MBD5: variants seen among roughly 807,000 people sequenced by gnomAD.
MBD5 encodes methyl-CpG binding domain protein 5.
A neutral mutation model predicts 117.3 loss-of-function variants in MBD5; 13 were observed. The ratio of observed to expected loss-of-function variants is 0.11; its 90% confidence interval spans 0.07 to 0.18. The LOEUF (loss-of-function observed/expected upper bound fraction) is 0.18. Among genes scored for constraint, MBD5 ranks in the 10% least tolerant of loss-of-function variants. The pLI is 1.00. For missense variants in MBD5, 1,879 were observed against 2,093.8 expected (o/e 0.90, Z 2.00); for synonymous variants, 727 against 766.4 (o/e 0.95, Z 0.85).
intron 4 of MBD5, among the ~76,000 whole-genome samples, chr2:148,379,267 G>T (rs1366586169): frequency 6.6e-6 from 1 of 151,900 alleles, no homozygotes; most frequent in Non-Finnish European, 1.5e-5. Context: ...GCTTAAGGGG[G>T]AAAAAACACA....
At chr2:148,362,260 G>A (rs1703562217) in intron 4 of MBD5, among the ~76,000 whole-genome samples, 1 of 152,196 alleles carries the variant, frequency 6.6e-6, no homozygotes, top group Non-Finnish European at 1.5e-5. Flanking sequence ...GGTCAGCACA[G>A]CAGCCTGAAG....
At chr2:148,331,653 A>G (rs1204912150) in intron 3 of MBD5, among the ~76,000 whole-genome samples, 4 of 152,224 alleles carry the variant, frequency 2.6e-5, no homozygotes, top group African/African-American at 9.6e-5. Context: ...TTTTTCTTAA[A>G]TATGCTAAAA....
chr2:148,049,735 A>T (rs1031191684), intron 1 of MBD5, among the ~76,000 whole-genome samples: 2 of 152,090 alleles, frequency 1.3e-5, no homozygotes, highest in Non-Finnish European at 2.9e-5. Flanking sequence ...TCCTTCCCAT[A>T]TCGTCTGGCA....
chr2:148,260,654 G>T (rs1015219815), intron 3 of MBD5: 6 of 213,542 alleles, frequency 2.8e-5, no homozygotes, highest in Admixed American at 2.5e-4. Context: ...TGTATCTCTG[G>T]CTGATATGAG....
intron 4 of MBD5, among the ~76,000 whole-genome samples, chr2:148,423,078 G>A (rs1351230623): frequency 6.6e-6 from 1 of 152,058 alleles, no homozygotes; most frequent in Non-Finnish European, 1.5e-5. Flanking sequence ...GAAATACAGA[G>A]AACACCACAA....
At chr2:148,234,581 A>G (rs1700053033) in intron 3 of MBD5, among the ~76,000 whole-genome samples, 1 of 152,204 alleles carries the variant, frequency 6.6e-6, no homozygotes, top group African/African-American at 2.4e-5. Context: ...TAGTATTATT[A>G]TGCAGTCAAC....
intron 3 of MBD5, chr2:148,264,298 C>CGAAGAA (rs57683670): frequency 0.22 from 32,957 of 147,590 alleles, 4,159 homozygotes; most frequent in East Asian, 0.55. Flanking sequence ...GAGACCTCGT[C>CGAAGAA]GAAGAAGAAG....
At chr2:148,424,491 C>A (rs1231061686) in intron 4 of MBD5, among the ~76,000 whole-genome samples, 1 of 151,942 alleles carries the variant, frequency 6.6e-6, no homozygotes. Flanking sequence ...AGAAAATTAA[C>A]AAGGATATTC....
intron 1 of MBD5, among the ~76,000 whole-genome samples, chr2:148,086,660 C>G (rs1695800460): frequency 6.6e-6 from 1 of 152,116 alleles, no homozygotes; most frequent in Non-Finnish European, 1.5e-5. Flanking sequence ...CAGACTACTG[C>G]TAGAGTTACA....
intron 4 of MBD5, among the ~76,000 whole-genome samples, chr2:148,394,107 T>A (rs1432507589): frequency 6.6e-6 from 1 of 152,176 alleles, no homozygotes; most frequent in Non-Finnish European, 1.5e-5. Context: ...GTATGTGGGG[T>A]CCTGTTGTTT....
intron 4 of MBD5, among the ~76,000 whole-genome samples, chr2:148,349,193 G>A (rs1703192235): frequency 6.6e-6 from 1 of 151,832 alleles, no homozygotes; most frequent in Non-Finnish European, 1.5e-5. Flanking sequence ...TGTAAGTGGG[G>A]TACATTTTAG....
At chr2:148,239,248 G>A (rs1700158435) in intron 3 of MBD5, among the ~76,000 whole-genome samples, 1 of 151,988 alleles carries the variant, frequency 6.6e-6, no homozygotes, top group Admixed American at 6.6e-5. Flanking sequence ...ACCATTTCTT[G>A]GACATCGACA....
intron 2 of MBD5, among the ~76,000 whole-genome samples, chr2:148,180,244 A>G (rs1408928082): frequency 6.7e-6 from 1 of 150,250 alleles, no homozygotes; most frequent in Non-Finnish European, 1.5e-5. Flanking sequence ...TGGAAGAGCT[A>G]TTCAATTGTT....
At chr2:148,265,105 C>T (rs991554) in intron 3 of MBD5, 69,966 of 151,704 alleles carry the variant, frequency 0.46, 16,489 homozygotes, top group East Asian at 0.71. Context: ...TCGATGATTG[C>T]TTCCCAATGC....
chr2:148,071,392 C>T (rs1695354639), intron 1 of MBD5: 1 of 151,130 alleles, frequency 6.6e-6, no homozygotes, highest in South Asian at 2.1e-4. Flanking sequence ...ATTATTGAGG[C>T]AGGTATTGTG....
chr2:148,317,405 C>T (rs927789233), intron 3 of MBD5, among the ~76,000 whole-genome samples: 3 of 151,908 alleles, frequency 2.0e-5, no homozygotes, highest in African/African-American at 7.3e-5. Flanking sequence ...TCTAAAGAAC[C>T]ATGTTTAAAG....
At chr2:148,171,451 C>T (rs1292630065) in intron 1 of MBD5, among the ~76,000 whole-genome samples, 1 of 152,032 alleles carries the variant, frequency 6.6e-6, no homozygotes, top group African/African-American at 2.4e-5. Flanking sequence ...AAAACTGTCA[C>T]CAAATTAGGT....
At chr2:148,035,530 CAGATGGTGGAGAA>C (rs1694171791) in intron 1 of MBD5, among the ~76,000 whole-genome samples, 1 of 152,168 alleles carries the variant, frequency 6.6e-6, no homozygotes, top group South Asian at 2.1e-4. Context: ...ACATGAAACT[CAGATGGTGGAGAA>C]ATTTGAATAA....
chr2:148,119,942 C>A (rs1696727473), intron 1 of MBD5, among the ~76,000 whole-genome samples: 1 of 149,290 alleles, frequency 6.7e-6, no homozygotes, highest in Non-Finnish European at 1.5e-5. Flanking sequence ...CTCACTTTGT[C>A]ACGCATGCTC....
Sources: allele counts gnomAD v4.1 joint callset (sites outside exome capture counted in the v4.1 genomes callset), GRCh38; gene constraint gnomAD v4.1.1; transcripts MANE v1.5; gene names NCBI Gene and HGNC (gene_info 2026-07-23, HGNC 2026-07-21).